Variants in ADAM10 observed in about 807,000 individuals in gnomAD.
ADAM10 encodes ADAM metallopeptidase domain 10, also known as disintegrin and metalloproteinase domain-containing protein 10.
ADAM10 carries 17 observed loss-of-function variants against 90.1 expected under a neutral mutation model. That is an observed-to-expected ratio of 0.19 (90% confidence interval 0.13 to 0.28). The LOEUF (loss-of-function observed/expected upper bound fraction) is 0.28, where lower values mean the gene tolerates loss of function less well. Among genes scored for constraint, ADAM10 ranks in the 10% least tolerant of loss-of-function variants. The probability of loss-of-function intolerance (pLI) is 1.00; values close to 1 mark genes in which losing one functional copy is unlikely to be tolerated. For missense variants in ADAM10, 610 were observed against 914.3 expected, an observed-to-expected ratio of 0.67 and a Z score of 4.29; for synonymous variants, 310 against 298.6, an observed-to-expected ratio of 1.04 and a Z score of -0.40.
rs371428476 is a variant in ADAM10 at position 58,740,558 on chromosome 15, T to G, written c.55+8922A>C. Among the ~76,000 whole-genome samples the G allele has an allele frequency of 3.9e-5, 6 of 152,210 alleles. No individual in the cohort carries two copies. In the East Asian group the frequency reaches 1.2e-3, roughly 29 times the overall value. ...TGCGTTTTAACTACACTTTACATTT[T>G]TCTTGTATTTATTTATTTATTTTTG... On this transcript the variant is annotated intron_variant, in intron 1 of 15. Coordinates refer to ENST00000260408, the MANE Select transcript of ADAM10 (RefSeq NM_001110.4).
intron 2 of ADAM10, among the ~76,000 whole-genome samples, chr15:58,709,221 A>C (rs1167197576): frequency 6.6e-6 from 1 of 152,192 alleles, no homozygotes; most frequent in East Asian, 1.9e-4. Context: ...CCTTATAAGG[A>C]GCTTAACCAC....
At chr15:58,726,900 G>A (rs1189276449) in intron 1 of ADAM10, among the ~76,000 whole-genome samples, 1 of 150,980 alleles carries the variant, frequency 6.6e-6, no homozygotes, top group Non-Finnish European at 1.5e-5. Flanking sequence ...AGGAGGGGAG[G>A]GGAGGGGAGG....
At chr15:58,681,123 G>T (rs1419447178) in intron 3 of ADAM10, among the ~76,000 whole-genome samples, 1 of 152,116 alleles carries the variant, frequency 6.6e-6, no homozygotes, top group Admixed American at 6.6e-5. Context: ...TAAATAACAT[G>T]ATTTTTATCT....
chr15:58,660,028 G>A (rs552427885), intron 5 of ADAM10, among the ~76,000 whole-genome samples: 44 of 152,156 alleles, frequency 2.9e-4, no homozygotes, highest in African/African-American at 8.4e-4. Flanking sequence ...ACGCCTGGCC[G>A]TTCTCTCTTT....
rs138483019 is a variant in ADAM10, at chr15:58,721,211, A to G, written c.56-3484T>C. Among the ~76,000 whole-genome samples, 1,451 of 152,330 alleles carry G rather than the reference A, an allele frequency of 9.5e-3. 19 individuals carry two copies. The highest frequency in any genetic ancestry group is 0.033 in the African/African-American group (1,372 of 41,582). On this transcript the variant is annotated intron_variant, in intron 1 of 15. Coordinates refer to ENST00000260408, the MANE Select transcript of ADAM10 (RefSeq NM_001110.4). ...CACACACAAATTTTATAAAAGCAACATACTATTCACTTTCACTGGCAAAAG... is the reference window on the plus strand; with the variant it reads ...CACACACAAATTTTATAAAAGCAACGTACTATTCACTTTCACTGGCAAAAG...
At chr15:58,700,339 G>A (rs1898097462) in intron 2 of ADAM10, among the ~76,000 whole-genome samples, 1 of 152,112 alleles carries the variant, frequency 6.6e-6, no homozygotes, top group Non-Finnish European at 1.5e-5. Flanking sequence ...CATATGTTAG[G>A]AAACAAAACG....
At position 58,626,026 on chromosome 15, in the gene ADAM10, A is replaced by G. The variant is rs139106171; in HGVS notation, c.1360+1674T>C. 2.7e-3 allele frequency among the ~76,000 whole-genome samples: 415 copies of G among 152,328 alleles called. 1 individual carries two copies. The highest frequency in any genetic ancestry group is 9.4e-3 in the African/African-American group (390 of 41,586). On this transcript the variant is annotated intron_variant, in intron 10 of 15. Coordinates refer to ENST00000260408, the MANE Select transcript of ADAM10 (RefSeq NM_001110.4). ...ACAGAAGGGAGGTAAGCATGGTTAT[A>G]AAACAATGAGGGATCCTTGTAATGA...
chr15:58,632,194 T>G (rs1319778306), intron 9 of ADAM10, among the ~76,000 whole-genome samples: 6 of 152,212 alleles, frequency 3.9e-5, no homozygotes, highest in African/African-American at 1.4e-4. Flanking sequence ...GTACTGATCT[T>G]TAAGGTCACT....
At chr15:58,669,943 A>G (rs1361744766) in intron 4 of ADAM10, among the ~76,000 whole-genome samples, 1 of 152,128 alleles carries the variant, frequency 6.6e-6, no homozygotes, top group East Asian at 1.9e-4. Context: ...AGATTAGTGC[A>G]AGAGGGTAGC....
chr15:58,635,612 G>C (rs1490985679), intron 8 of ADAM10, among the ~76,000 whole-genome samples: 1 of 152,058 alleles, frequency 6.6e-6, no homozygotes, highest in Non-Finnish European at 1.5e-5. Context: ...CTGGAAACCA[G>C]AAAATATATA....
chr15:58,680,374 C>T (rs1217895113), intron 3 of ADAM10, among the ~76,000 whole-genome samples: 3 of 152,158 alleles, frequency 2.0e-5, no homozygotes, highest in Non-Finnish European at 2.9e-5. Flanking sequence ...CCACCTGCCT[C>T]GGCCTCCTAA....
intron 5 of ADAM10, among the ~76,000 whole-genome samples, chr15:58,659,385 T>C (rs556596323): frequency 1.7e-4 from 26 of 152,290 alleles, no homozygotes; most frequent in African/African-American, 5.8e-4. Context: ...CTTACTAGCC[T>C]AAGAAAGCTT....
chr15:58,744,013 G>A (rs1248469783), intron 1 of ADAM10, among the ~76,000 whole-genome samples: 7 of 152,140 alleles, frequency 4.6e-5, no homozygotes, highest in Admixed American at 1.3e-4. Flanking sequence ...TATAAAACCA[G>A]AGTACTCATG....
chr15:58,691,401 A>G (rs1897786988), intron 2 of ADAM10: 2 of 744,368 alleles, frequency 2.7e-6, no homozygotes, highest in Non-Finnish European at 4.9e-6. Context: ...TTGCTCCACA[A>G]AAGCAGAGTT....
rs1425547567 is a variant in ADAM10, at chr15:58,595,046, T to C, written c.*2501A>G. The C allele has an allele frequency of 6.6e-6, 1 of 152,156 alleles. No homozygotes were observed. Among genetic ancestry groups the C allele is most frequent in the Admixed American group, 6.5e-5 (1 of 15,286 alleles). The allele number at this position is 152,156 out of a possible 1,614,324, so 9.4% of individuals were successfully genotyped here. ...TGGCTCAAAATTTTAAACAAACTTA[T>C]CATTAAACTAGGCTTTTTAAAATAA... On this transcript the variant is annotated 3_prime_UTR_variant, in exon 16 of 16. Coordinates refer to ENST00000260408, the MANE Select transcript of ADAM10 (RefSeq NM_001110.4).
intron 5 of ADAM10, among the ~76,000 whole-genome samples, chr15:58,652,516 G>A (rs1375266025): frequency 6.6e-6 from 1 of 152,154 alleles, no homozygotes. Context: ...CCCAATGGAT[G>A]TTTTTGGCAC....
At chr15:58,674,164 G>A (rs77178009) in intron 4 of ADAM10, among the ~76,000 whole-genome samples, 21,895 of 152,078 alleles carry the variant, frequency 0.14, 1,898 homozygotes, top group East Asian at 0.44. Flanking sequence ...CCTGTGAGTT[G>A]TTTAGAAAAA....
At chr15:58,748,179 A>G (rs1253843237) in intron 1 of ADAM10, 1 of 152,262 alleles carries the variant, frequency 6.6e-6, no homozygotes, top group Non-Finnish European at 1.5e-5. Context: ...TGAACACTAC[A>G]AACTATAACA....
chr15:58,615,784 G>C lies in ADAM10; in HGVS notation c.1512-3793C>G, dbSNP rs528285557. Among the ~76,000 whole-genome samples the C allele has an allele frequency of 1.0e-3, 154 of 152,224 alleles. 1 individual carries two copies. Among genetic ancestry groups the C allele is most frequent in the Admixed American group, 9.4e-3 (143 of 15,286 alleles). ...GCACTTTGGGAGGCCGAGGCGGGCA[G>C]ATCACCTGAGGTCAGGAGTTCAAGA... On this transcript the variant is annotated intron_variant, in intron 11 of 15. Coordinates refer to ENST00000260408, the MANE Select transcript of ADAM10 (RefSeq NM_001110.4).
Sources: gnomAD v4.1 joint callset for allele counts (sites outside exome capture counted in the v4.1 genomes callset) on GRCh38, gnomAD v4.1.1 for gene constraint, MANE v1.5 for transcripts, NCBI Gene and HGNC (gene_info 2026-07-23, HGNC 2026-07-21) for gene names.